DIP2C: variants seen among roughly 807,000 people sequenced by gnomAD.
DIP2C encodes disco-interacting protein 2 homolog C.
Under a neutral mutation model 192.4 loss-of-function variants are expected in DIP2C, and 33 were observed. The ratio of observed to expected loss-of-function variants is 0.17; its 90% CI spans 0.13 to 0.23. DIP2C has a LOEUF of 0.23. DIP2C is among the 10% of genes least tolerant of loss of function. The probability of loss-of-function intolerance (pLI) is 1.00; values close to 1 mark genes in which losing one functional copy is unlikely to be tolerated. For missense variants in DIP2C, 1,537 were observed against 2,110.1 expected, an observed-to-expected ratio of 0.73 and a Z score of 5.32; for synonymous variants, 979 against 864.1, an observed-to-expected ratio of 1.13 and a Z score of -2.33.
chr10:459,881 C>A (rs1196646968), intron 3 of DIP2C, among the ~76,000 whole-genome samples: 1 of 144,282 alleles, frequency 6.9e-6, no homozygotes, highest in African/African-American at 2.8e-5. Flanking sequence ...ATCAGGGAAC[C>A]ACCTGCTGCA....
intron 1 of DIP2C, among the ~76,000 whole-genome samples, chr10:590,687 G>A (rs992708282): frequency 3.3e-5 from 5 of 152,282 alleles, no homozygotes; most frequent in East Asian, 1.9e-4. Flanking sequence ...CAAGTTAGAC[G>A]GGTTTTTACT....
At chr10:419,802 C>CA (rs1207820497) in intron 5 of DIP2C, among the ~76,000 whole-genome samples, 1 of 152,098 alleles carries the variant, frequency 6.6e-6, no homozygotes, top group Non-Finnish European at 1.5e-5. Context: ...AACAGTCATT[C>CA]AAAAAACCAC....
At chr10:609,866 CAG>C (rs954824214) in intron 1 of DIP2C, among the ~76,000 whole-genome samples, 6 of 152,184 alleles carry the variant, frequency 3.9e-5, no homozygotes, top group African/African-American at 4.8e-5. Flanking sequence ...CAATTAGAGA[CAG>C]AAACCCAAGC....
intron 32 of DIP2C, among the ~76,000 whole-genome samples, chr10:308,118 G>A (rs1256566613): frequency 1.3e-5 from 2 of 152,222 alleles, no homozygotes; most frequent in Middle Eastern, 3.2e-3. Flanking sequence ...GCCTGGGCGG[G>A]GCCCGGTGAA....
rs117900110 is a variant in DIP2C at position 294,002 on chromosome 10, T to C, written c.3987-5581A>G. 1.6e-4 allele frequency among the ~76,000 whole-genome samples: 24 copies of C among 152,286 alleles called. 1 individual carries two copies. In the East Asian group the frequency reaches 4.2e-3, roughly 27 times the overall value. On this transcript the variant is annotated intron_variant, in intron 32 of 36. Transcript: ENST00000280886. ...AATGTTTTCATCTAACCTAACCGCA[T>C]TGCACAAATGAAGTACCAAAGCATA...
At chr10:558,897 G>A (rs533629395) in intron 1 of DIP2C, among the ~76,000 whole-genome samples, 1 of 152,136 alleles carries the variant, frequency 6.6e-6, no homozygotes, top group Non-Finnish European at 1.5e-5. Context: ...GGAGAACACA[G>A]CAGGACCCCA....
At chr10:580,428 CAT>C (rs1425964954) in intron 1 of DIP2C, among the ~76,000 whole-genome samples, 4 of 152,136 alleles carry the variant, frequency 2.6e-5, no homozygotes, top group Admixed American at 6.5e-5. Flanking sequence ...TACACAGGTA[CAT>C]ATATGGCGTT....
At chr10:468,794 A>G (rs550574074) in intron 3 of DIP2C, among the ~76,000 whole-genome samples, 52 of 152,338 alleles carry the variant, frequency 3.4e-4, no homozygotes, top group African/African-American at 1.2e-3. Context: ...ACAAAAAAAG[A>G]TGAGTACCCA....
intron 1 of DIP2C, among the ~76,000 whole-genome samples, chr10:670,723 TATAAG>T (rs763738734): frequency 2.0e-5 from 3 of 152,170 alleles, no homozygotes; most frequent in African/African-American, 4.8e-5. Flanking sequence ...GGTCTAAAAA[TATAAG>T]ATAACAAAAG....
At chr10:527,405 A>G (rs976284424) in intron 1 of DIP2C, among the ~76,000 whole-genome samples, 1 of 152,324 alleles carries the variant, frequency 6.6e-6, no homozygotes, top group Non-Finnish European at 1.5e-5. Flanking sequence ...CTGCTTTTGT[A>G]ATTTTTAATA....
At chr10:497,488 C>T (rs1290676994) in intron 1 of DIP2C, among the ~76,000 whole-genome samples, 5 of 152,224 alleles carry the variant, frequency 3.3e-5, no homozygotes. Flanking sequence ...AGCAATGGGG[C>T]AGCTCTGGAC....
At chr10:656,316 A>G (rs1450419000) in intron 1 of DIP2C, among the ~76,000 whole-genome samples, 1 of 151,884 alleles carries the variant, frequency 6.6e-6, no homozygotes, top group Admixed American at 6.6e-5. Flanking sequence ...CTTCTACTCT[A>G]TGCTACCTTA....
At chr10:285,982 A>C (rs542522978) in intron 34 of DIP2C, among the ~76,000 whole-genome samples, 4 of 152,382 alleles carry the variant, frequency 2.6e-5, no homozygotes, top group African/African-American at 7.2e-5. Context: ...TCAAGAGCCA[A>C]GAAATAAAGA....
At chr10:472,280 C>T (rs935651029) in intron 3 of DIP2C, among the ~76,000 whole-genome samples, 159 bp downstream of exon 3, 3 of 152,210 alleles carry the variant, frequency 2.0e-5, no homozygotes, top group South Asian at 2.1e-4. Context: ...CGGACACTGG[C>T]GTCTCCCGAG....
chr10:392,701 TACGTGCCCAGGTACAC>T (rs1159527177), intron 10 of DIP2C, among the ~76,000 whole-genome samples: 25 of 152,004 alleles, frequency 1.6e-4, no homozygotes, highest in Non-Finnish European at 2.9e-4. Flanking sequence ...TCAACACACA[TACGTGCCCAGGTACAC>T]ACGCGCCCAG....
chr10:456,729 T>G (rs1290628030), intron 3 of DIP2C, among the ~76,000 whole-genome samples: 1 of 152,156 alleles, frequency 6.6e-6, no homozygotes, highest in African/African-American at 2.4e-5. Context: ...TTCCCTCCCT[T>G]TTGTCTCCAC....
chr10:480,359 G>A (rs1843513401), intron 2 of DIP2C, among the ~76,000 whole-genome samples: 1 of 149,526 alleles, frequency 6.7e-6, no homozygotes, highest in Non-Finnish European at 1.5e-5. Flanking sequence ...CCACCAGCCT[G>A]AGCTCCGGTC....
chr10:417,764 C>CCGCCTGTGCCTGTCGGCT (rs1965797475), intron 6 of DIP2C, among the ~76,000 whole-genome samples: 1 of 123,466 alleles, frequency 8.1e-6, no homozygotes, highest in Non-Finnish European at 1.7e-5. Flanking sequence ...GCATCCCTGT[C>CCGCCTGTGCCTGTCGGCT]CACCTGCACC....
intron 29 of DIP2C, chr10:340,890 CCAGGTTTTA>C: frequency 2.1e-6 from 1 of 484,170 alleles, no homozygotes; most frequent in Non-Finnish European, 4.1e-6. Flanking sequence ...AGCACCATCG[CCAGGTTTTA>C]CAGGCATAAG....
Sources: allele counts gnomAD v4.1 joint callset (sites outside exome capture counted in the v4.1 genomes callset), GRCh38; gene constraint gnomAD v4.1.1; transcripts MANE v1.5; gene names NCBI Gene and HGNC (gene_info 2026-07-23, HGNC 2026-07-21).